Variants in PELI2 observed in about 807,000 individuals in gnomAD.
PELI2 encodes E3 ubiquitin-protein ligase pellino homolog 2.
A neutral mutation model predicts 42.3 loss-of-function variants in PELI2; 23 were observed. The ratio of observed to expected loss-of-function variants is 0.54; its 90% CI spans 0.39 to 0.77. The LOEUF is 0.77. PELI2 is among the 30% of genes least tolerant of loss of function. The probability of loss-of-function intolerance (pLI) is 0.00; values close to 1 mark genes in which losing one functional copy is unlikely to be tolerated. For synonymous variants in PELI2, 245 were observed against 212.2 expected (o/e 1.15, Z -1.34); for missense variants, 463 against 553.2 (o/e 0.84, Z 1.64).
At chr14:56,149,465 C>T (rs1884256079) in intron 1 of PELI2, among the ~76,000 whole-genome samples, 1 of 152,190 alleles carries the variant, frequency 6.6e-6, no homozygotes, top group Non-Finnish European at 1.5e-5. Context: ...ATAAGAATGC[C>T]TGCCTCAAGG....
rs2139920603 is a variant in PELI2 at position 56,300,610 on chromosome 14, C to A, written c.*3444C>A. On this transcript the variant is annotated 3_prime_UTR_variant, in exon 6 of 6. Coordinates refer to ENST00000267460, the MANE Select transcript of PELI2 (RefSeq NM_021255.3). ...TTTCACTTCTTTTCTTTTTTAAAGC[C>A]ATTCTGTTCTTTGGATGTGCTTGAA... 1.3e-5 allele frequency: 2 copies of A among 152,116 alleles called. No individual in the cohort carries two copies. The highest frequency in any genetic ancestry group is 6.8e-3 in the Middle Eastern group (2 of 294). The allele number at this position is 152,116 out of a possible 1,614,324, so 9.4% of individuals were successfully genotyped here.
Position 56,192,220 on chromosome 14 carries a change from C to T in PELI2, c.207+13756C>T, listed in dbSNP as rs79009319. On this transcript the variant is annotated intron_variant, in intron 2 of 5. Transcript: ENST00000267460. ...TTGAAAAATGGAATAAAGTTTTTAG[C>T]ACCAATTTACTGAAATTTCTTGCAT... Among the ~76,000 whole-genome samples, 932 of 152,286 alleles carry T rather than the reference C, an allele frequency of 6.1e-3. 11 individuals are homozygous for T. Among genetic ancestry groups the T allele is most frequent in the African/African-American group, 0.021 (893 of 41,544 alleles).
chr14:56,247,406 A>G (rs1888201790), intron 2 of PELI2, among the ~76,000 whole-genome samples: 1 of 152,146 alleles, frequency 6.6e-6, no homozygotes, highest in Non-Finnish European at 1.5e-5. Context: ...ATGCTGTTAG[A>G]AATAGTGGTG....
At chr14:56,276,427 G>A (rs867641763) in intron 2 of PELI2, among the ~76,000 whole-genome samples, 10 of 152,078 alleles carry the variant, frequency 6.6e-5, no homozygotes, top group African/African-American at 2.2e-4. Context: ...CCCAGCCCAC[G>A]TTTCTGCTTT....
intron 2 of PELI2, among the ~76,000 whole-genome samples, chr14:56,227,465 C>G (rs1290404250): frequency 6.6e-6 from 1 of 152,118 alleles, no homozygotes; most frequent in Non-Finnish European, 1.5e-5. Flanking sequence ...AAAATAATTA[C>G]AAAAATGGAA....
At chr14:56,201,760 A>G (rs4901645) in intron 2 of PELI2, among the ~76,000 whole-genome samples, 60,994 of 151,730 alleles carry the variant, frequency 0.4, 12,910 homozygotes, top group South Asian at 0.53. Context: ...TCAGCAAGCT[A>G]ACTATGTACA....
intron 1 of PELI2, among the ~76,000 whole-genome samples, chr14:56,124,719 C>T (rs1034544307): frequency 3.3e-5 from 5 of 152,174 alleles, no homozygotes; most frequent in Non-Finnish European, 1.5e-5. Context: ...GATGTGTTAG[C>T]AGGGTCCCCT....
At chr14:56,213,449 T>C (rs1047021221) in intron 2 of PELI2, among the ~76,000 whole-genome samples, 2 of 152,150 alleles carry the variant, frequency 1.3e-5, no homozygotes, top group African/African-American at 4.8e-5. Context: ...GAGGAGTGAC[T>C]AGCCCACAGG....
chr14:56,261,325 T>C (rs1209886608), intron 2 of PELI2, among the ~76,000 whole-genome samples: 1 of 152,204 alleles, frequency 6.6e-6, no homozygotes, highest in African/African-American at 2.4e-5. Flanking sequence ...GGCTTGTTTC[T>C]GTTCATTCGT....
At chr14:56,247,740 A>G (rs1888211894) in intron 2 of PELI2, among the ~76,000 whole-genome samples, 1 of 152,250 alleles carries the variant, frequency 6.6e-6, no homozygotes, top group South Asian at 2.1e-4. Context: ...TCACCCAGGT[A>G]TAAATCTACT....
chr14:56,206,086 G>T (rs1187495534), intron 2 of PELI2, among the ~76,000 whole-genome samples: 1 of 152,180 alleles, frequency 6.6e-6, no homozygotes, highest in African/African-American at 2.4e-5. Flanking sequence ...CTTTTGCAAA[G>T]GCTGAGTACT....
At chr14:56,161,354 T>C (rs2139640110) in intron 1 of PELI2, among the ~76,000 whole-genome samples, 1 of 152,128 alleles carries the variant, frequency 6.6e-6, no homozygotes, top group East Asian at 1.9e-4. Context: ...GGTGCCAGGC[T>C]GGAGTGCAGT....
At chr14:56,208,210 A>G (rs1023109958) in intron 2 of PELI2, among the ~76,000 whole-genome samples, 1 of 152,196 alleles carries the variant, frequency 6.6e-6, no homozygotes, top group African/African-American at 2.4e-5. Context: ...AAGAGCTCCT[A>G]CTAAAGTCAT....
chr14:56,155,769 G>A (rs1566610217), intron 1 of PELI2, among the ~76,000 whole-genome samples: 1 of 152,008 alleles, frequency 6.6e-6, no homozygotes, highest in South Asian at 2.1e-4. Flanking sequence ...ATTTTTAGTA[G>A]AGACGGGGTT....
rs111394822 is a variant in PELI2, at chr14:56,178,481, A to G, written c.207+17A>G. 6.7e-4 allele frequency: 1,082 copies of G among 1,613,872 alleles called. 8 individuals carry two copies. The African/African-American group carries it at 0.011, about 16-fold the overall frequency. ...GCATCCAAGGTAGGTGGGTCTGTCA[A>G]GAGTTGGGAGGGTGCTGGCAAACAG... On this transcript the variant is annotated intron_variant, in intron 2 of 5. Coordinates refer to ENST00000267460, the MANE Select transcript of PELI2 (RefSeq NM_021255.3).
chr14:56,225,152 T>C (rs1169588120), intron 2 of PELI2, among the ~76,000 whole-genome samples: 1 of 151,942 alleles, frequency 6.6e-6, no homozygotes, highest in Non-Finnish European at 1.5e-5. Flanking sequence ...AGGATGGAGG[T>C]CTGACCCTGG....
At chr14:56,275,136 G>A (rs879419995) in intron 2 of PELI2, among the ~76,000 whole-genome samples, 4 of 152,142 alleles carry the variant, frequency 2.6e-5, no homozygotes, top group Admixed American at 1.3e-4. Flanking sequence ...TGATGCTGGG[G>A]TGGAAAAATA....
At chr14:56,134,320 A>G (rs903317926) in intron 1 of PELI2, among the ~76,000 whole-genome samples, 3 of 152,192 alleles carry the variant, frequency 2.0e-5, no homozygotes, top group Non-Finnish European at 4.4e-5. Flanking sequence ...AACAAACTGA[A>G]ACATATTTTG....
chr14:56,144,898 A>G (rs2139609901), intron 1 of PELI2: 1 of 755,072 alleles, frequency 1.3e-6, no homozygotes, highest in East Asian at 1.3e-4. Flanking sequence ...TTTCCATCCT[A>G]CTATTTCTTT....
Sources: allele counts gnomAD v4.1 joint callset (sites outside exome capture counted in the v4.1 genomes callset), GRCh38; gene constraint gnomAD v4.1.1; transcripts MANE v1.5; gene names NCBI Gene and HGNC (gene_info 2026-07-23, HGNC 2026-07-21).